CEACAM1: variants seen among roughly 807,000 people sequenced by gnomAD.
CEACAM1 encodes CEA cell adhesion molecule 1, also known as cell adhesion molecule CEACAM1.
CEACAM1 carries 31 observed loss-of-function variants against 49.1 expected under a neutral mutation model. The ratio of observed to expected loss-of-function variants is 0.63; its 90% CI spans 0.47 to 0.85. The LOEUF (loss-of-function observed/expected upper bound fraction) is 0.85, where lower values mean the gene tolerates loss of function less well. Ranked by LOEUF, CEACAM1 falls within the 40% of genes least tolerant of loss-of-function variation. The pLI is 0.00. For missense variants in CEACAM1, 570 were observed against 645.3 expected, an observed-to-expected ratio of 0.88 and a Z score of 1.26; for synonymous variants, 244 against 247.8, an observed-to-expected ratio of 0.98 and a Z score of 0.14.
chr19:42,519,545 T>TG, intron 4 of CEACAM1: 1 of 269,280 alleles, frequency 3.7e-6, no homozygotes. Context: ...AACCTCATCA[T>TG]CAGGTAGAAT....
intron 2 of CEACAM1, among the ~76,000 whole-genome samples, chr19:42,524,347 G>C (rs1482358594): frequency 1.3e-5 from 2 of 152,216 alleles, no homozygotes; most frequent in Non-Finnish European, 2.9e-5. Context: ...AGCAGAACAG[G>C]GATGGAGTTA....
chr19:42,522,287 T>A (rs926165327), intron 2 of CEACAM1, 85 bp from the exon 3 acceptor site: 9 of 1,552,172 alleles, frequency 5.8e-6, no homozygotes, highest in African/African-American at 2.8e-5. Context: ...TTATTTATTT[T>A]TTTTGGAGAT....
chr19:42,523,965 AAC>A (rs1349033176), intron 2 of CEACAM1, among the ~76,000 whole-genome samples: 1 of 152,212 alleles, frequency 6.6e-6, no homozygotes, highest in Non-Finnish European at 1.5e-5. Flanking sequence ...TTAAGAGAGA[AAC>A]GATGCCATAT....
At chr19:42,518,854 T>G in intron 5 of CEACAM1, 94 bp downstream of exon 5, 99 of 1,385,092 alleles carry the variant, frequency 7.1e-5, no homozygotes, top group Non-Finnish European at 8.8e-5. Flanking sequence ...GTCTCTTCAT[T>G]GATATTCTGC....
At chr19:42,528,277 C>T in intron 1 of CEACAM1, 34 bp downstream of exon 1, 1 of 1,602,754 alleles carries the variant, frequency 6.2e-7, no homozygotes, top group Non-Finnish European at 8.5e-7. Context: ...TGTGCGCCCT[C>T]TTTCCGCCCC....
At position 42,507,690 on chromosome 19, in the gene CEACAM1, G is replaced by A. The variant is rs1184008722; in HGVS notation, c.*1419C>T. On this transcript the variant is annotated 3_prime_UTR_variant, in exon 9 of 9. Coordinates refer to ENST00000161559, the MANE Select transcript of CEACAM1 (RefSeq NM_001712.5). The stretch of plus-strand genomic sequence containing the variant: ...ATAGAAGAAAAGATAAATTTCAGAG[G>A]CTGTTAAAAGAGGCTAGGCCTAAGT... 1 of 152,170 alleles carries A rather than the reference G, an allele frequency of 6.6e-6. No homozygotes were observed. Among genetic ancestry groups the A allele is most frequent in the Non-Finnish European group, 1.5e-5 (1 of 68,044 alleles). 9.4% of individuals were successfully genotyped at this position (152,170 alleles called of 1,614,324 possible). A position where few individuals can be genotyped will look rare whatever the true frequency, so the allele number is the denominator to read the frequency against.
chr19:42,511,486 G>T, intron 7 of CEACAM1, 90 bp downstream of exon 7: 1 of 1,046,890 alleles, frequency 9.6e-7, no homozygotes, highest in Non-Finnish European at 1.5e-6. Context: ...TCAGAAGGGA[G>T]GGAGTGGTTT....
intron 8 of CEACAM1, among the ~76,000 whole-genome samples, chr19:42,509,722 G>T (rs2147764451): frequency 1.3e-5 from 2 of 152,200 alleles, no homozygotes; most frequent in South Asian, 4.2e-4. Context: ...TGCCTCCCGG[G>T]TTCAAGCGAT....
chr19:42,515,304 G>A (rs2041573212), intron 5 of CEACAM1, among the ~76,000 whole-genome samples: 1 of 152,086 alleles, frequency 6.6e-6, no homozygotes, highest in African/African-American at 2.4e-5. Flanking sequence ...ATACTATGGA[G>A]CAGGCATTCA....
chr19:42,509,102 G>A lies in CEACAM1; in HGVS notation c.*7C>T. 1 of 1,614,096 alleles carries A rather than the reference G, an allele frequency of 6.2e-7. No homozygotes were observed. Among genetic ancestry groups the A allele is most frequent in the Non-Finnish European group, 8.5e-7 (1 of 1,179,948 alleles). On this transcript the variant is annotated 3_prime_UTR_variant, in exon 9 of 9. Transcript: ENST00000161559. ...CATCAGCACTGCAGTGAGCAGGACA[G>A]GTTTCATTACTGCTTTTTTACTTCT... is the stretch of plus-strand genomic sequence containing the variant.
chr19:42,517,697 A>T (rs1451224373), intron 5 of CEACAM1, among the ~76,000 whole-genome samples: 1 of 152,220 alleles, frequency 6.6e-6, no homozygotes, highest in African/African-American at 2.4e-5. Context: ...GTTTTTGAAG[A>T]TGTAGAGAAA....
rs376242453 is a variant in CEACAM1 at position 42,521,316 on chromosome 19, G to A, written c.909C>T (p.Asn303=). Residue 303 remains asparagine (N), a synonymous_variant, in exon 4 of 9, where the codon AAC becomes AAT. Transcript: ENST00000161559. ...TGGTCCTGTTGCAGCCAGTGACTGA[G>A]TTATTGGCGTGGCAGGTATAGGATC... ...NSGSYTCHAN[N]SVTGCNRTTV... 8.7e-6 allele frequency: 14 copies of A among 1,614,218 alleles called. No homozygotes were observed. In the East Asian group the frequency reaches 2.7e-4, roughly 31 times the overall value.
At chr19:42,522,998 G>A (rs2041797216) in intron 2 of CEACAM1, among the ~76,000 whole-genome samples, 1 of 152,240 alleles carries the variant, frequency 6.6e-6, no homozygotes, top group Non-Finnish European at 1.5e-5. Context: ...ACTTTCTCAA[G>A]TGTGAACTGA....
chr19:42,525,710 T>C (rs543581350), intron 2 of CEACAM1: 4 of 152,272 alleles, frequency 2.6e-5, no homozygotes, highest in African/African-American at 9.6e-5. Context: ...ATAAGGCCCC[T>C]GGAGTAGAGG....
At chr19:42,511,699 C>A in intron 6 of CEACAM1, 71 bp from the exon 7 acceptor site, 1 of 1,449,350 alleles carries the variant, frequency 6.9e-7, no homozygotes, top group South Asian at 1.1e-5. Context: ...TTAGGAAGGA[C>A]ACTGTGAGCA....
Position 42,519,171 on chromosome 19 carries a change from C to A in CEACAM1, c.1023G>T (p.Lys341Asn), listed in dbSNP as rs2041677010. ...KASKTTVTGDKDSVNLTCSTN... is the reference protein window; with the variant it reads ...KASKTTVTGDNDSVNLTCSTN... ...TGGAGCAGGTCAGGTTCACAGAGTC[C>A]TTATCTCCTGTGACTGTGGTCTTGC... The change falls in exon 5 of 9, where the codon AAG becomes AAT. Residue 341 changes from lysine to asparagine, a missense_variant. Physicochemically the swap from Lys to Asn is moderately conservative, Grantham distance 94. Coordinates refer to ENST00000161559, the MANE Select transcript of CEACAM1 (RefSeq NM_001712.5). 6.2e-7 allele frequency: 1 copy of A among 1,614,076 alleles called. No individual in the cohort carries two copies. The highest frequency in any genetic ancestry group is 1.3e-5 in the African/African-American group (1 of 75,040).
intron 2 of CEACAM1, among the ~76,000 whole-genome samples, chr19:42,523,471 A>G (rs1365440273): frequency 6.6e-6 from 1 of 152,250 alleles, no homozygotes; most frequent in Non-Finnish European, 1.5e-5. Flanking sequence ...TGAGGGTGAC[A>G]GGCAGGGGCT....
At chr19:42,523,830 G>T (rs919361842) in intron 2 of CEACAM1, among the ~76,000 whole-genome samples, 2 of 152,224 alleles carry the variant, frequency 1.3e-5, no homozygotes, top group Non-Finnish European at 2.9e-5. Flanking sequence ...GTAGGATCAT[G>T]TTATGATCAA....
At chr19:42,510,742 C>A in intron 8 of CEACAM1, 147 bp downstream of exon 8, 1 of 734,692 alleles carries the variant, frequency 1.4e-6, no homozygotes, top group Non-Finnish European at 2.4e-6. Context: ...AAAGTAGACT[C>A]ATGGGAGTGA....
Sources: allele counts gnomAD v4.1 joint callset (sites outside exome capture counted in the v4.1 genomes callset), GRCh38; gene constraint gnomAD v4.1.1; transcripts MANE v1.5; gene names NCBI Gene and HGNC (gene_info 2026-07-23, HGNC 2026-07-21).